PCDH15: variants seen among roughly 807,000 people sequenced by gnomAD.
PCDH15 encodes protocadherin-15.
A neutral mutation model predicts 178.5 loss-of-function variants in PCDH15; 129 were observed. The ratio of observed to expected loss-of-function variants is 0.72; its 90% confidence interval spans 0.63 to 0.84. PCDH15 has a LOEUF of 0.84. Ranked by LOEUF, PCDH15 falls within the 40% of genes least tolerant of loss-of-function variation. The pLI is 0.00. For synonymous variants in PCDH15, 800 were observed against 732.0 expected (o/e 1.09, Z -1.50); for missense variants, 2,230 against 2,099.9 (o/e 1.06, Z -1.21).
At chr10:54,800,502 C>T (rs565365014) in intron 1 of PCDH15, among the ~76,000 whole-genome samples, 4 of 152,266 alleles carry the variant, frequency 2.6e-5, no homozygotes, top group Non-Finnish European at 4.4e-5. Flanking sequence ...CCAGCAACAA[C>T]CACTCATAAA....
chr10:55,158,078 G>GTGTGTGTGTGTGTATA (rs1335196401), intron 2 of PCDH15, among the ~76,000 whole-genome samples: 1 of 117,144 alleles, frequency 8.5e-6, no homozygotes, highest in South Asian at 2.8e-4. Flanking sequence ...GTATGTGTGT[G>GTGTGTGTGTGTGTATA]TATATATATA....
intron 2 of PCDH15, among the ~76,000 whole-genome samples, chr10:54,629,461 G>A (rs371346649): frequency 6.6e-6 from 1 of 152,144 alleles, no homozygotes; most frequent in East Asian, 1.9e-4. Flanking sequence ...CAATAAATTT[G>A]ATTCACCTCA....
At chr10:55,298,117 A>C (rs1158852635) in intron 1 of PCDH15, among the ~76,000 whole-genome samples, 1 of 152,202 alleles carries the variant, frequency 6.6e-6, no homozygotes, top group Admixed American at 6.5e-5. Context: ...ACATGGGAAA[A>C]GATGGCCAGG....
intron 3 of PCDH15, among the ~76,000 whole-genome samples, chr10:54,457,945 G>A (rs1195301518): frequency 6.6e-6 from 1 of 152,090 alleles, no homozygotes; most frequent in Non-Finnish European, 1.5e-5. Flanking sequence ...ATGGGATGTT[G>A]TTTCCATACA....
intron 3 of PCDH15, among the ~76,000 whole-genome samples, chr10:54,890,695 C>A (rs1252991329): frequency 6.6e-6 from 1 of 151,912 alleles, no homozygotes; most frequent in Non-Finnish European, 1.5e-5. Context: ...CTTGGGATAC[C>A]ATTTGTCTTT....
chr10:54,265,848 G>A (rs989234432), intron 8 of PCDH15, among the ~76,000 whole-genome samples: 2 of 151,978 alleles, frequency 1.3e-5, no homozygotes, highest in African/African-American at 4.8e-5. Flanking sequence ...ACACCCAACT[G>A]ACAGTGGTAG....
At chr10:54,285,321 T>C (rs1270065655) in intron 8 of PCDH15, among the ~76,000 whole-genome samples, 3 of 149,856 alleles carry the variant, frequency 2.0e-5, no homozygotes, top group African/African-American at 4.9e-5. Context: ...TTCCAAACCA[T>C]GTATCAGATA....
At chr10:53,988,690 GA>G (rs2091270527) in intron 21 of PCDH15, among the ~76,000 whole-genome samples, 1 of 152,048 alleles carries the variant, frequency 6.6e-6, no homozygotes, top group Non-Finnish European at 1.5e-5. Flanking sequence ...TCAGAATAAA[GA>G]ATATCATTTA....
chr10:54,478,516 C>T (rs2078447607), intron 3 of PCDH15, among the ~76,000 whole-genome samples: 4 of 151,954 alleles, frequency 2.6e-5, no homozygotes, highest in Admixed American at 2.6e-4. Flanking sequence ...TCCTTTAAGC[C>T]AAATCTTTAC....
intron 2 of PCDH15, among the ~76,000 whole-genome samples, chr10:54,992,857 T>C (rs941656450): frequency 1.3e-5 from 2 of 152,160 alleles, no homozygotes; most frequent in Non-Finnish European, 2.9e-5. Context: ...CTTTACTATT[T>C]AATTTATTTA....
rs749939571 is a variant in PCDH15 at position 55,259,902 on chromosome 10, CAAAAAAAAAAAAAAAAAAAAAAAAA to C, written c.-156+59672_-156+59696del. ...GGGCAACAAGAGCAAAACTCCGTCT[CAAAAAAAAAAAAAAAAAAAAAAAAA>C]AAAAAAAAAAAAAGTTTAGCTAAGA... On this transcript the variant is annotated intron_variant, in intron 1 of 5. Transcript: ENST00000458638. Among the ~76,000 whole-genome samples the C allele has an allele frequency of 1.5e-4, 8 of 52,012 alleles. No homozygotes were observed. The South Asian group carries it at 3.0e-3, about 19-fold the overall frequency. The allele number at this position is 52,012 out of a possible 152,430, so 34.1% of individuals were successfully genotyped here.
chr10:53,833,074 T>A (rs1342900219), intron 29 of PCDH15, among the ~76,000 whole-genome samples: 2 of 152,054 alleles, frequency 1.3e-5, no homozygotes, highest in Non-Finnish European at 2.9e-5. Flanking sequence ...TGAAACTTCT[T>A]GTTTGAATTG....
rs1339597855 is a variant in PCDH15, at chr10:55,003,444, G to GT, written c.-79-105945dup. ...ACAGAAATAATATTGAAACATTGCTGTTTTTTTTTTTTCAGAGTCTAGAGA... is the reference window on the plus strand; with the variant it reads ...ACAGAAATAATATTGAAACATTGCTGTTTTTTTTTTTTTCAGAGTCTAGAGA... On this transcript the variant is annotated intron_variant, in intron 2 of 5. Transcript: ENST00000458638. 2.0e-3 allele frequency among the ~76,000 whole-genome samples: 291 copies of GT among 143,562 alleles called. 2 individuals carry two copies. The highest frequency in any genetic ancestry group is 0.011 in the Middle Eastern group (3 of 268). The allele number at this position is 143,562 out of a possible 152,430, so 94.2% of individuals were successfully genotyped here.
intron 1 of PCDH15, among the ~76,000 whole-genome samples, chr10:54,734,594 T>C (rs1435834591): frequency 6.6e-6 from 1 of 151,948 alleles, no homozygotes; most frequent in East Asian, 1.9e-4. Context: ...CACTCAGAAA[T>C]CTATGCAAAT....
chr10:54,280,281 G>GT lies in PCDH15; in HGVS notation c.876+36989dup, dbSNP rs60842227. Among the ~76,000 whole-genome samples the GT allele has an allele frequency of 5.3e-3, 761 of 142,714 alleles. 3 individuals carry two copies. Among genetic ancestry groups the GT allele is most frequent in the East Asian group, 0.015 (70 of 4,822 alleles). The allele number at this position is 142,714 out of a possible 152,430, so 93.6% of individuals were successfully genotyped here. A position where few individuals can be genotyped will look rare whatever the true frequency, so the allele number is the denominator to read the frequency against. ...TAAACATTAATTAACAAAATTTCTA[G>GT]TTTTTTTTTTTTTTTCTTCTAGAGC... On this transcript the variant is annotated intron_variant, in intron 8 of 37. Coordinates refer to ENST00000644397, the MANE Select transcript of PCDH15 (RefSeq NM_001384140.1).
chr10:54,528,451 GAAGA>G, intron 2 of PCDH15: 1 of 1,471,052 alleles, frequency 6.8e-7, no homozygotes, highest in Non-Finnish European at 9.3e-7. Flanking sequence ...CAGAAAAATG[GAAGA>G]AAGAAAGGAA....
chr10:55,161,930 A>G (rs868103228), intron 2 of PCDH15, among the ~76,000 whole-genome samples: 1 of 152,286 alleles, frequency 6.6e-6, no homozygotes, highest in African/African-American at 2.4e-5. Context: ...CTAGGACACA[A>G]TTAAGCCACA....
chr10:54,568,566 T>G (rs1401820638), intron 2 of PCDH15: 1 of 152,070 alleles, frequency 6.6e-6, no homozygotes, highest in Non-Finnish European at 1.5e-5. Flanking sequence ...GTTCAACAGT[T>G]TTGATGAATG....
At chr10:54,709,293 C>G (rs577031902) in intron 1 of PCDH15, among the ~76,000 whole-genome samples, 1 of 151,936 alleles carries the variant, frequency 6.6e-6, no homozygotes, top group African/African-American at 2.4e-5. Context: ...ATACTATGAT[C>G]GGTTCCAAGA....
Sources: allele counts gnomAD v4.1 joint callset (sites outside exome capture counted in the v4.1 genomes callset), GRCh38; gene constraint gnomAD v4.1.1; transcripts MANE v1.5; gene names NCBI Gene and HGNC (gene_info 2026-07-23, HGNC 2026-07-21).